Variants in KCNK10 observed in about 807,000 individuals in gnomAD.
The protein encoded by KCNK10 is potassium channel subfamily K member 10.
Under a neutral mutation model 47.7 loss-of-function variants are expected in KCNK10, and 25 were observed. The ratio of observed to expected loss-of-function variants is 0.52; its 90% confidence interval spans 0.38 to 0.73. The LOEUF is 0.73. Among genes scored for constraint, KCNK10 ranks in the 30% least tolerant of loss-of-function variants. KCNK10 has a pLI of 0.00. For synonymous variants in KCNK10, 303 were observed against 285.6 expected, an observed-to-expected ratio of 1.06 and a Z score of -0.61; for missense variants, 563 against 714.5, an observed-to-expected ratio of 0.79 and a Z score of 2.42.
At chr14:88,226,419 G>A (rs1039771729) in intron 4 of KCNK10, among the ~76,000 whole-genome samples, 2 of 152,188 alleles carry the variant, frequency 1.3e-5, no homozygotes, top group African/African-American at 4.8e-5. Flanking sequence ...CACAGCTTTA[G>A]AGCTTCCAGC....
chr14:88,205,637 C>T (rs1241340401), intron 4 of KCNK10, among the ~76,000 whole-genome samples: 6 of 150,852 alleles, frequency 4.0e-5, no homozygotes, highest in African/African-American at 1.2e-4. Context: ...CTCTGCCTCC[C>T]GGGTTCAAGT....
intron 4 of KCNK10, among the ~76,000 whole-genome samples, chr14:88,210,508 A>G (rs1885420134): frequency 6.6e-6 from 1 of 152,268 alleles, no homozygotes; most frequent in African/African-American, 2.4e-5. Context: ...ATTTCAGAGT[A>G]GAAAAAAGGT....
intron 4 of KCNK10, among the ~76,000 whole-genome samples, chr14:88,214,575 C>A (rs1370286012): frequency 6.6e-6 from 1 of 152,032 alleles, no homozygotes; most frequent in Non-Finnish European, 1.5e-5. Flanking sequence ...TATAGTGATA[C>A]CAGAATATAA....
At chr14:88,275,898 C>T (rs1300254733) in intron 1 of KCNK10, among the ~76,000 whole-genome samples, 1 of 151,836 alleles carries the variant, frequency 6.6e-6, no homozygotes, top group Non-Finnish European at 1.5e-5. Flanking sequence ...TGAAAATAGG[C>T]TCCGGTAGAC....
chr14:88,293,430 C>T (rs568905463), intron 1 of KCNK10, among the ~76,000 whole-genome samples: 2 of 152,270 alleles, frequency 1.3e-5, no homozygotes, highest in South Asian at 4.1e-4. Flanking sequence ...AATGCTACCA[C>T]CATCCTCCCA....
chr14:88,278,447 C>T (rs1446679236), intron 1 of KCNK10, among the ~76,000 whole-genome samples: 6 of 152,052 alleles, frequency 3.9e-5, no homozygotes, highest in South Asian at 2.1e-4. Flanking sequence ...GGACACTATT[C>T]GAAAATCTAA....
At chr14:88,311,413 A>G (rs1246017650) in intron 1 of KCNK10, among the ~76,000 whole-genome samples, 1 of 152,040 alleles carries the variant, frequency 6.6e-6, no homozygotes, top group Non-Finnish European at 1.5e-5. Flanking sequence ...CCCCACCCTC[A>G]TGCGCCATGC....
chr14:88,307,563 T>C (rs1888229487), intron 1 of KCNK10, among the ~76,000 whole-genome samples: 1 of 152,226 alleles, frequency 6.6e-6, no homozygotes, highest in East Asian at 1.9e-4. Flanking sequence ...GTGAATATAC[T>C]AAAAACCACT....
intron 1 of KCNK10, among the ~76,000 whole-genome samples, chr14:88,267,520 A>T (rs1352265307): frequency 6.6e-6 from 1 of 151,542 alleles, no homozygotes; most frequent in Non-Finnish European, 1.5e-5. Flanking sequence ...ACAGGCGTGC[A>T]CCACCATGCC....
chr14:88,243,366 G>A (rs1349727559), intron 2 of KCNK10, among the ~76,000 whole-genome samples: 1 of 152,172 alleles, frequency 6.6e-6, no homozygotes, highest in East Asian at 1.9e-4. Flanking sequence ...TAATTAACTT[G>A]TCCTAGGTCA....
At chr14:88,206,249 T>C (rs1885270822) in intron 4 of KCNK10, among the ~76,000 whole-genome samples, 2 of 152,180 alleles carry the variant, frequency 1.3e-5, no homozygotes. Flanking sequence ...GTCTCTAAAC[T>C]TGTTAGGGTG....
chr14:88,209,503 A>G (rs1169038962), intron 4 of KCNK10, among the ~76,000 whole-genome samples: 1 of 152,196 alleles, frequency 6.6e-6, no homozygotes, highest in African/African-American at 2.4e-5. Flanking sequence ...GAGCCGACGA[A>G]CCTGCCGTCT....
rs978552236 is a variant in KCNK10 at position 88,181,783 on chromosome 14, C to G, written c.*3752G>C. The G allele has an allele frequency of 6.6e-6, 1 of 152,256 alleles. No individual in the cohort carries two copies. The highest frequency in any genetic ancestry group is 2.4e-5 in the African/African-American group (1 of 41,424). The allele number at this position is 152,256 out of a possible 1,614,324, so 9.4% of individuals were successfully genotyped here. A position where few individuals can be genotyped will look rare whatever the true frequency, so the allele number is the denominator to read the frequency against. ...AATTAATTAGTCATTATTCACAAAT[C>G]CAACTTATAATTTAATCTTAATAAA... On this transcript the variant is annotated 3_prime_UTR_variant, in exon 7 of 7. Transcript: ENST00000319231.
chr14:88,252,624 C>A (rs1210318710), intron 2 of KCNK10, among the ~76,000 whole-genome samples: 1 of 152,190 alleles, frequency 6.6e-6, no homozygotes, highest in Non-Finnish European at 1.5e-5. Context: ...ATCAAAGGTT[C>A]ATACCCAGGA....
intron 2 of KCNK10, among the ~76,000 whole-genome samples, chr14:88,242,282 A>G (rs1368251039): frequency 2.0e-4 from 30 of 152,222 alleles, no homozygotes; most frequent in Admixed American, 2.0e-3. Flanking sequence ...ACTCTGAACC[A>G]GGGATCAACA....
chr14:88,212,484 G>C (rs912471964), intron 4 of KCNK10, among the ~76,000 whole-genome samples: 1 of 151,968 alleles, frequency 6.6e-6, no homozygotes, highest in Non-Finnish European at 1.5e-5. Flanking sequence ...ATGAATTCGG[G>C]AGTCACCCTT....
chr14:88,253,603 TA>T (rs574553407), intron 2 of KCNK10, among the ~76,000 whole-genome samples: 19 of 149,756 alleles, frequency 1.3e-4, no homozygotes, highest in African/African-American at 2.9e-4. Context: ...TGGAAAGGAT[TA>T]AAAAAAAAAT....
chr14:88,186,192 A>G lies in KCNK10; in HGVS notation c.1012-37T>C. 2 of 1,536,786 alleles carry G rather than the reference A, an allele frequency of 1.3e-6. No homozygotes were observed. Among genetic ancestry groups the G allele is most frequent in the Non-Finnish European group, 1.8e-6 (2 of 1,140,712 alleles). ...ACAGAAGAGCAACAATATGCTGACA[A>G]ATGCCTCCCTGCCTTGGCCTCCCAG... On this transcript the variant is annotated intron_variant, in intron 6 of 6. Transcript: ENST00000319231. This position sits in a 1 kb window ranked among gnomAD's most constrained non-coding sequence, Gnocchi z 5.5.
chr14:88,199,250 G>A (rs1341945925), intron 4 of KCNK10, among the ~76,000 whole-genome samples: 4 of 152,104 alleles, frequency 2.6e-5, no homozygotes, highest in African/African-American at 7.2e-5. Context: ...AGAAAGCTCA[G>A]TGATTATTCC....
Sources: gnomAD v4.1 joint callset for allele counts (sites outside exome capture counted in the v4.1 genomes callset) on GRCh38, gnomAD v4.1.1 for gene constraint, Gnocchi (gnomAD v3.1) non-coding constraint, MANE v1.5 for transcripts, NCBI Gene and HGNC (gene_info 2026-07-23, HGNC 2026-07-21) for gene names.